Variants in TRPM1 observed in about 807,000 individuals in gnomAD.
TRPM1 encodes the protein transient receptor potential cation channel subfamily M member 1, also known as TRPM1-203 APA Isoform, Intron 10.
TRPM1 carries 113 observed loss-of-function variants against 149.4 expected under a neutral mutation model. The ratio of observed to expected loss-of-function variants is 0.76; its 90% CI spans 0.65 to 0.88. The LOEUF is 0.88. Among genes scored for constraint, TRPM1 ranks in the 40% least tolerant of loss-of-function variants. TRPM1 has a pLI of 0.00. For missense variants in TRPM1, 1,976 were observed against 2,038.7 expected, an observed-to-expected ratio of 0.97 and a Z score of 0.59; for synonymous variants, 741 against 759.5, an observed-to-expected ratio of 0.98 and a Z score of 0.40.
rs567459182 is a variant in TRPM1, at chr15:31,095,650, A to T, written c.-84+6007T>A. ...CGGTGAGCTGAGATCACACCACTGC[A>T]CTCCAGCCTGGGCGACAGAGTGAGA... is the stretch of plus-strand genomic sequence containing the variant. On this transcript the variant is annotated intron_variant, in intron 1 of 27. Transcript: ENST00000256552. Among the ~76,000 whole-genome samples, 240 of 152,224 alleles carry T rather than the reference A, an allele frequency of 1.6e-3. 1 individual carries two copies. The South Asian group carries it at 0.016, about 10-fold the overall frequency.
chr15:31,017,804 A>G (rs974525409), intron 27 of TRPM1, among the ~76,000 whole-genome samples: 2 of 152,250 alleles, frequency 1.3e-5, no homozygotes, highest in Non-Finnish European at 2.9e-5. Context: ...TCATTCAAAT[A>G]ATAGGTATGG....
chr15:31,049,162 G>A (rs989164598), intron 13 of TRPM1, among the ~76,000 whole-genome samples: 5 of 152,166 alleles, frequency 3.3e-5, no homozygotes, highest in Admixed American at 3.3e-4. Context: ...AATACTGCCT[G>A]AGAAAGGAGT....
chr15:31,099,310 G>A (rs577651714), intron 1 of TRPM1, among the ~76,000 whole-genome samples: 1 of 152,192 alleles, frequency 6.6e-6, no homozygotes, highest in South Asian at 2.1e-4. Context: ...TTAATCTCTA[G>A]GTCATGGAAG....
intron 1 of TRPM1, among the ~76,000 whole-genome samples, chr15:31,089,144 G>T (rs963168685): frequency 2.0e-5 from 3 of 152,146 alleles, no homozygotes; most frequent in Admixed American, 1.3e-4. Flanking sequence ...CTGAAGACAG[G>T]CTGCTGCTGT....
At position 31,116,602 on chromosome 15, in the gene TRPM1, GAAAT is replaced by G. The variant is rs56343838; in HGVS notation, c.55-39622_55-39619del. On this transcript the variant is annotated intron_variant, in intron 1 of 26. Transcript: ENST00000542188. Reference sequence around the variant, plus strand: ...GGCCAACGAGAGCAAAACTCCATCTGAAATAAATAAATAAATAAATAAATAAATA... The same window carrying G: ...GGCCAACGAGAGCAAAACTCCATCTGAAATAAATAAATAAATAAATAAATA... Among the ~76,000 whole-genome samples, 161 of 143,714 alleles carry G rather than the reference GAAAT, an allele frequency of 1.1e-3. 2 individuals carry two copies. The highest frequency in any genetic ancestry group is 8.0e-3 in the East Asian group (38 of 4,756). The allele number at this position is 143,714 out of a possible 152,430, so 94.3% of individuals were successfully genotyped here.
chr15:31,054,573 G>A (rs2034035008), intron 11 of TRPM1, among the ~76,000 whole-genome samples: 1 of 152,138 alleles, frequency 6.6e-6, no homozygotes, highest in African/African-American at 2.4e-5. Context: ...GGAATTACAG[G>A]AGTGAGCCAC....
Position 31,040,491 on chromosome 15 carries a change from C to T in TRPM1, c.2088-145G>A, listed in dbSNP as rs2033579171. 1.4e-6 allele frequency: 1 copy of T among 737,172 alleles called. No homozygotes were observed. Among genetic ancestry groups the T allele is most frequent in the Non-Finnish European group, 2.3e-6 (1 of 429,766 alleles). The allele number at this position is 737,172 out of a possible 1,614,324, so 45.7% of individuals were successfully genotyped here. A position where few individuals can be genotyped will look rare whatever the true frequency, so the allele number is the denominator to read the frequency against. ...TCTGAGGTTCTCTGCAAGCAAGAAG[C>T]TCCAGGGATGTGTCCCCAAAGGGGG... On this transcript the variant is annotated intron_variant, in intron 17 of 27. Transcript: ENST00000256552. This position sits in a 1 kb window ranked among gnomAD's most constrained non-coding sequence, Gnocchi z 4.2.
intron 27 of TRPM1, among the ~76,000 whole-genome samples, chr15:31,012,504 C>T (rs1459788743): frequency 1.3e-5 from 2 of 152,152 alleles, no homozygotes; most frequent in Admixed American, 6.5e-5. Flanking sequence ...AGCATCCTTT[C>T]CATGTGATGA....
At chr15:31,113,627 A>C (rs1393756099) in intron 1 of TRPM1, among the ~76,000 whole-genome samples, 2 of 152,108 alleles carry the variant, frequency 1.3e-5, no homozygotes, top group African/African-American at 2.4e-5. Context: ...ATAGCACTTT[A>C]CTGTACAAAT....
At chr15:31,081,297 G>A in intron 2 of TRPM1, 56 bp downstream of exon 2, 1 of 808,790 alleles carries the variant, frequency 1.2e-6, no homozygotes. Context: ...TGTGACTAAC[G>A]TACTTTCTCA....
intron 16 of TRPM1, among the ~76,000 whole-genome samples, chr15:31,045,398 T>C (rs1488697001): frequency 3.3e-5 from 5 of 152,244 alleles, no homozygotes; most frequent in African/African-American, 1.2e-4. Context: ...GGAACTTTAG[T>C]TGATTTTCCT....
In TRPM1 at chr15:31,142,858, G is replaced by C. The variant is rs544273784; in HGVS notation, c.54+18048C>G. Among the ~76,000 whole-genome samples the C allele has an allele frequency of 5.6e-4, 86 of 152,280 alleles. 1 individual carries two copies. Among genetic ancestry groups the C allele is most frequent in the Admixed American group, 4.6e-3 (70 of 15,298 alleles). On this transcript the variant is annotated intron_variant, in intron 1 of 26. Transcript: ENST00000542188. Reference sequence around the variant, plus strand: ...TAAGAAATGGTGTTAAATTTTCTTTGAGTTATATTTGTATACATTACTAAG... The same window carrying C: ...TAAGAAATGGTGTTAAATTTTCTTTCAGTTATATTTGTATACATTACTAAG...
At chr15:31,113,376 A>C (rs538465950) in intron 1 of TRPM1, among the ~76,000 whole-genome samples, 25 of 151,598 alleles carry the variant, frequency 1.6e-4, no homozygotes, top group African/African-American at 5.6e-4. Context: ...GTCACAACCA[A>C]CGGGGTTCTC....
chr15:31,142,066 CAATA>C (rs1386756618), intron 1 of TRPM1, among the ~76,000 whole-genome samples: 1 of 152,052 alleles, frequency 6.6e-6, no homozygotes, highest in Non-Finnish European at 1.5e-5. Flanking sequence ...ATCTACAAAT[CAATA>C]AATAAATGAA....
intron 1 of TRPM1, among the ~76,000 whole-genome samples, chr15:31,122,222 C>A (rs1464540946): frequency 6.6e-6 from 1 of 152,194 alleles, no homozygotes; most frequent in African/African-American, 2.4e-5. Context: ...CTACAGCTAA[C>A]ACCATACTTA....
chr15:31,111,526 A>T (rs149740980), intron 1 of TRPM1, among the ~76,000 whole-genome samples: 1 of 152,328 alleles, frequency 6.6e-6, no homozygotes, highest in Non-Finnish European at 1.5e-5. Context: ...ATGGCAAGAG[A>T]TGATTTTGCC....
At chr15:31,060,735 T>A in intron 10 of TRPM1, 91 bp from the exon 11 acceptor site, 1 of 991,178 alleles carries the variant, frequency 1.0e-6, no homozygotes, top group Non-Finnish European at 1.6e-6. Context: ...AGGCTTCCCT[T>A]GGGCTGCTGG....
chr15:31,071,998 TATATATATATATATATATATAGAGAG>T lies in TRPM1; in HGVS notation c.84-1798_84-1773del, dbSNP rs1227824307. Among the ~76,000 whole-genome samples the T allele has an allele frequency of 2.1e-3, 142 of 66,776 alleles. 1 individual carries two copies. Among genetic ancestry groups the T allele is most frequent in the African/African-American group, 4.7e-3 (80 of 17,018 alleles). 43.8% of individuals were successfully genotyped at this position (66,776 alleles called of 152,430 possible). On this transcript the variant is annotated intron_variant, in intron 3 of 27. Transcript: ENST00000256552. ...AAAAAAACATATATATATATATATA[TATATATATATATATATATATAGAGAG>T]AGAGAGAGAGAGAGAGAGAGAGAGA...
rs532813224 is a variant in TRPM1, at chr15:31,070,089, G to A, written c.221C>T (p.Pro74Leu). The stretch of plus-strand genomic sequence containing the variant: ...TTCAAGAACTCCATAGGAATCTGTT[G>A]GGTAGCTCTGGGTGTGCTTGGCAAC... ...WSVAKHTQSY[P>L]TDSYGVLEFQ... The change falls in exon 4 of 28, where the codon CCA becomes CTA. Residue 74 changes from proline (P) to leucine (L), a missense_variant. Pro to Leu is a moderately conservative substitution (Grantham distance 98, BLOSUM62 -3). This residue lies in a region of TRPM1 where 1,332 missense variants were observed against 1,347.1 expected (regional missense o/e 0.99). Transcript: ENST00000256552. 1.3e-5 allele frequency: 21 copies of A among 1,614,164 alleles called. No homozygotes were observed. In the South Asian group the frequency reaches 2.3e-4, roughly 18 times the overall value.
Sources: allele counts gnomAD v4.1 joint callset (sites outside exome capture counted in the v4.1 genomes callset), GRCh38; gene constraint gnomAD v4.1.1; regional missense constraint gnomAD v4.1.1; non-coding constraint Gnocchi (gnomAD v3.1); transcripts MANE v1.5; gene names NCBI Gene and HGNC (gene_info 2026-07-23, HGNC 2026-07-21).